RELN: variants seen among roughly 807,000 people sequenced by gnomAD.
RELN encodes the protein reelin.
A neutral mutation model predicts 427.6 loss-of-function variants in RELN; 108 were observed. The observed-to-expected ratio is 0.25, with a 90% CI of 0.22 to 0.30. The LOEUF is 0.30. Ranked by LOEUF, RELN falls within the 10% of genes least tolerant of loss-of-function variation. The pLI, the probability that RELN is intolerant of heterozygous loss-of-function variation, is 1.00. For synonymous variants in RELN, 1,524 were observed against 1,513.4 expected, an observed-to-expected ratio of 1.01 and a Z score of -0.16; for missense variants, 3,715 against 4,302.8, an observed-to-expected ratio of 0.86 and a Z score of 3.82.
At chr7:103,610,231 G>A (rs1562921031) in intron 22 of RELN, among the ~76,000 whole-genome samples, 2 of 152,024 alleles carry the variant, frequency 1.3e-5, no homozygotes, top group African/African-American at 4.8e-5. Flanking sequence ...CTGTTTCCTG[G>A]GGGATAATTT....
intron 1 of RELN, among the ~76,000 whole-genome samples, chr7:103,925,038 ACG>A (rs1795701784): frequency 1.4e-5 from 2 of 145,594 alleles, no homozygotes; most frequent in South Asian, 2.2e-4. Flanking sequence ...ACACACACAC[ACG>A]CTCACTCAGA....
chr7:103,758,579 T>A (rs574581073), intron 4 of RELN, among the ~76,000 whole-genome samples: 2 of 151,868 alleles, frequency 1.3e-5, no homozygotes, highest in East Asian at 3.9e-4. Context: ...CAATTTTTAC[T>A]AGGAAAGTAT....
intron 22 of RELN, among the ~76,000 whole-genome samples, chr7:103,607,963 G>T (rs1192169531): frequency 6.6e-6 from 1 of 152,092 alleles, no homozygotes; most frequent in African/African-American, 2.4e-5. Context: ...CTCTACGCAG[G>T]TACATACATT....
chr7:103,728,400 C>A (rs1289986830), intron 6 of RELN, among the ~76,000 whole-genome samples, 193 bp from the exon 7 acceptor site: 1 of 152,152 alleles, frequency 6.6e-6, no homozygotes, highest in African/African-American at 2.4e-5. Flanking sequence ...AATCTCAATT[C>A]TTTCAGTTAC....
chr7:103,650,682 G>A (rs1832897677), intron 15 of RELN, among the ~76,000 whole-genome samples: 1 of 152,094 alleles, frequency 6.6e-6, no homozygotes, highest in Non-Finnish European at 1.5e-5. Flanking sequence ...CTGGAGTGCA[G>A]TGGCACAATC....
intron 3 of RELN, among the ~76,000 whole-genome samples, chr7:103,787,411 G>C (rs1173608149): frequency 1.3e-5 from 2 of 151,776 alleles, no homozygotes; most frequent in East Asian, 3.9e-4. Context: ...TTTCTGAAAA[G>C]ATTAGCAAAA....
chr7:103,640,399 A>C lies in RELN; in HGVS notation c.2069+144T>G, dbSNP rs889656448. 13 of 752,232 alleles carry C rather than the reference A, an allele frequency of 1.7e-5. No homozygotes were observed. Among genetic ancestry groups the C allele is most frequent in the Middle Eastern group, 4.6e-4 (2 of 4,346 alleles). The allele number at this position is 752,232 out of a possible 1,614,324, so 46.6% of individuals were successfully genotyped here. On this transcript the variant is annotated intron_variant, in intron 17 of 64. Coordinates refer to ENST00000428762, the MANE Select transcript of RELN (RefSeq NM_005045.4). The surrounding 1 kb of genome is among the most constrained non-coding windows in gnomAD (Gnocchi z 4.1). ...TTTCACTTAAAAATACATTTGAATT[A>C]CACTTAAGTTCTAATAGAAATATCC...
At chr7:103,499,360 A>T (rs1828945396) in intron 53 of RELN, among the ~76,000 whole-genome samples, 1 of 152,194 alleles carries the variant, frequency 6.6e-6, no homozygotes, top group Non-Finnish European at 1.5e-5. Flanking sequence ...ATCTCCTCAT[A>T]GTCAAGGTCT....
intron 24 of RELN, among the ~76,000 whole-genome samples, chr7:103,597,044 G>A (rs766050673): frequency 6.6e-6 from 1 of 152,178 alleles, no homozygotes; most frequent in African/African-American, 2.4e-5. Flanking sequence ...TTGGAGCTGG[G>A]TTTGAATCTC....
rs1180065300 is a variant in RELN, at chr7:103,557,957, A to G, written c.5614+8T>C. 8.5e-7 allele frequency: 1 copy of G among 1,179,858 alleles called. No homozygotes were observed. The highest frequency in any genetic ancestry group is 1.7e-5 in the Admixed American group (1 of 59,256). 73.1% of individuals were successfully genotyped at this position (1,179,858 alleles called of 1,614,324 possible). On this transcript the variant is annotated splice_region_variant and intron_variant, in intron 37 of 64. Coordinates refer to ENST00000428762, the MANE Select transcript of RELN (RefSeq NM_005045.4). ...TCTCTTGAAGGAAAATAATAAATTCATACTTACTTTTTGCTATAAATCTAA... is the reference window on the plus strand; with the variant it reads ...TCTCTTGAAGGAAAATAATAAATTCGTACTTACTTTTTGCTATAAATCTAA...
At chr7:103,985,626 C>T (rs1462925149) in intron 1 of RELN, among the ~76,000 whole-genome samples, 2 of 152,104 alleles carry the variant, frequency 1.3e-5, no homozygotes, top group African/African-American at 4.8e-5. Flanking sequence ...TTACTTTAAG[C>T]AAAGAGGGGA....
chr7:103,688,045 T>C (rs1285245805), intron 10 of RELN, among the ~76,000 whole-genome samples: 1 of 152,122 alleles, frequency 6.6e-6, no homozygotes, highest in Non-Finnish European at 1.5e-5. Context: ...TGGCTCATTC[T>C]ACAATATCTT....
chr7:103,641,613 C>T (rs980985190), intron 16 of RELN, among the ~76,000 whole-genome samples: 1 of 152,118 alleles, frequency 6.6e-6, no homozygotes, highest in Admixed American at 6.6e-5. Flanking sequence ...CCTGTCTAAC[C>T]CTCAATATTC....
At chr7:103,877,697 GTTT>G (rs1364557059) in intron 2 of RELN, among the ~76,000 whole-genome samples, 1 of 151,850 alleles carries the variant, frequency 6.6e-6, no homozygotes, top group African/African-American at 2.4e-5. Flanking sequence ...TCTGACTCTA[GTTT>G]TTTTCTCAGG....
intron 4 of RELN, among the ~76,000 whole-genome samples, chr7:103,769,960 T>C (rs570542659): frequency 3.9e-5 from 6 of 152,332 alleles, no homozygotes; most frequent in African/African-American, 9.6e-5. Flanking sequence ...GGTAGATTTA[T>C]TGAGATACCT....
intron 2 of RELN, among the ~76,000 whole-genome samples, chr7:103,891,177 G>T (rs977625063): frequency 6.6e-6 from 1 of 152,148 alleles, no homozygotes; most frequent in Non-Finnish European, 1.5e-5. Context: ...ATCTAGCTGG[G>T]TCATCATTTT....
At chr7:103,543,545 C>G (rs992189021) in intron 42 of RELN, among the ~76,000 whole-genome samples, 1 of 151,974 alleles carries the variant, frequency 6.6e-6, no homozygotes, top group Non-Finnish European at 1.5e-5. Flanking sequence ...ACTTGGGAGG[C>G]TGAGGCAGGA....
At position 103,608,838 on chromosome 7, in the gene RELN, T is replaced by C. The variant is rs1371664156; in HGVS notation, c.3008+1857A>G. Among the ~76,000 whole-genome samples the C allele has an allele frequency of 2.0e-5, 3 of 152,348 alleles. No individual in the cohort carries two copies. In the South Asian group the frequency reaches 6.2e-4, roughly 32 times the overall value. On this transcript the variant is annotated intron_variant, in intron 22 of 64. Coordinates refer to ENST00000428762, the MANE Select transcript of RELN (RefSeq NM_005045.4). ...GTCAAAGAACCTGCAAAGGCTTTTC[T>C]GATAAGGACAACACTTTCTGAATTT... is the stretch of plus-strand genomic sequence containing the variant.
chr7:103,688,207 A>G (rs2115728723), intron 10 of RELN, among the ~76,000 whole-genome samples: 1 of 152,236 alleles, frequency 6.6e-6, no homozygotes, highest in East Asian at 1.9e-4. Context: ...TTCTTAATGA[A>G]AAAAGACATG....
Sources: allele counts gnomAD v4.1 joint callset (sites outside exome capture counted in the v4.1 genomes callset), GRCh38; gene constraint gnomAD v4.1.1; non-coding constraint Gnocchi (gnomAD v3.1); transcripts MANE v1.5; gene names NCBI Gene and HGNC (gene_info 2026-07-23, HGNC 2026-07-21).